SLX9: variants seen among roughly 807,000 people sequenced by gnomAD.
SLX9 encodes ribosome biogenesis protein SLX9 homolog.
In SLX9, 19 loss-of-function variants were observed where a neutral mutation model predicts 20.8. That is an observed-to-expected ratio of 0.91 (90% CI 0.64 to 1.34). SLX9 has a LOEUF of 1.34. Among genes scored for constraint, SLX9 ranks in the 40% most tolerant of loss-of-function variants. The pLI, the probability that SLX9 is intolerant of heterozygous loss-of-function variation, is 0.00. For synonymous variants in SLX9, 113 were observed against 137.1 expected (o/e 0.82, Z 1.23); for missense variants, 299 against 322.2 (o/e 0.93, Z 0.55).
chr21:44,956,567 G>A (rs79582913), intron 2 of SLX9, among the ~76,000 whole-genome samples: 4 of 152,208 alleles, frequency 2.6e-5, no homozygotes, highest in African/African-American at 4.8e-5. Context: ...AGCATCTCCC[G>A]GCACCCGAGC....
At chr21:44,952,734 C>T (rs2084781903) in intron 2 of SLX9, among the ~76,000 whole-genome samples, 2 of 152,190 alleles carry the variant, frequency 1.3e-5, no homozygotes, top group Admixed American at 1.3e-4. Context: ...CGGGCGCCCC[C>T]CTGCCTAGGA....
At chr21:44,943,444 G>A (rs1265957278) in intron 1 of SLX9, among the ~76,000 whole-genome samples, 6 of 152,194 alleles carry the variant, frequency 3.9e-5, no homozygotes, top group South Asian at 2.1e-4. Context: ...AGTGAAGCCC[G>A]TCTGGTGATT....
chr21:44,973,144 A>G (rs35113332), intron 4 of SLX9, 53 bp from the exon 5 acceptor site: 18,669 of 1,597,292 alleles, frequency 0.012, 151 homozygotes, highest in Non-Finnish European at 0.014. Context: ...GCCCACGGGA[A>G]GGTGTTTAGG....
chr21:44,969,382 G>A (rs2085101478), intron 4 of SLX9: 1 of 376,794 alleles, frequency 2.7e-6, no homozygotes, highest in Non-Finnish European at 5.6e-6. Flanking sequence ...AATGTGCTTG[G>A]CGCTCCCAGA....
At chr21:44,969,232 C>A (rs73906984) in intron 4 of SLX9, 2 of 469,268 alleles carry the variant, frequency 4.3e-6, no homozygotes, top group South Asian at 3.1e-5. Context: ...CATCCCGCGG[C>A]GGAGGCACCA....
At chr21:44,973,111 TAAGAAGGGAG>T in intron 4 of SLX9, 76 bp from the exon 5 acceptor site, 1 of 1,494,782 alleles carries the variant, frequency 6.7e-7, no homozygotes, top group Non-Finnish European at 9.3e-7. Context: ...ACGTCTGCTC[TAAGAAGGGAG>T]GAGCCAGCCT....
chr21:44,944,988 G>A (rs575256728), intron 2 of SLX9, among the ~76,000 whole-genome samples: 28 of 152,334 alleles, frequency 1.8e-4, no homozygotes, highest in African/African-American at 6.0e-4. Context: ...GGAGGCGCCC[G>A]CTCTGCATCT....
chr21:44,949,023 A>G (rs1568930905), intron 2 of SLX9, among the ~76,000 whole-genome samples: 1 of 152,172 alleles, frequency 6.6e-6, no homozygotes, highest in Non-Finnish European at 1.5e-5. Flanking sequence ...GCAGGGCCTG[A>G]GTGTGTGCAC....
In SLX9 at chr21:44,960,169, G is replaced by A. The variant is rs367795290; in HGVS notation, c.352+1G>A. 1.9e-5 allele frequency: 31 copies of A among 1,614,090 alleles called. No individual in the cohort carries two copies. The highest frequency in any genetic ancestry group is 2.5e-5 in the Non-Finnish European group (29 of 1,180,006). ...CTGAGGCGTGAGCAATGGTTGCAGAGTAAGTCCATGCCTGCGTCTTGAGGC... is the reference window on the plus strand; with the variant it reads ...CTGAGGCGTGAGCAATGGTTGCAGAATAAGTCCATGCCTGCGTCTTGAGGC... On this transcript the variant is annotated splice_donor_variant, in intron 3 of 5. Transcript: ENST00000291634. LOFTEE classifies it high-confidence loss of function.
At chr21:44,941,911 T>C (rs2084557803) in intron 1 of SLX9, among the ~76,000 whole-genome samples, 1 of 152,218 alleles carries the variant, frequency 6.6e-6, no homozygotes, top group Non-Finnish European at 1.5e-5. Context: ...GAGTCCCTTC[T>C]GGCAGAGCTA....
At chr21:44,947,751 G>GC (rs999495709) in intron 2 of SLX9, among the ~76,000 whole-genome samples, 5 of 152,156 alleles carry the variant, frequency 3.3e-5, no homozygotes, top group African/African-American at 1.2e-4. Flanking sequence ...GCAGCCTCCT[G>GC]CTACGGGAGG....
At chr21:44,939,890 G>A (rs2084505268), upstream of SLX9, 1 of 644,976 alleles carries the variant, frequency 1.6e-6, no homozygotes, top group Non-Finnish European at 2.5e-6. Flanking sequence ...GAAAGGCGGA[G>A]CGCCGCCACC....
At chr21:44,949,543 T>C (rs956566895) in intron 2 of SLX9, among the ~76,000 whole-genome samples, 3 of 152,230 alleles carry the variant, frequency 2.0e-5, no homozygotes, top group Non-Finnish European at 4.4e-5. Context: ...GAGCGCACCA[T>C]GGAGCCAGGC....
intron 3 of SLX9, among the ~76,000 whole-genome samples, chr21:44,962,813 T>C (rs1481430851): frequency 6.6e-6 from 1 of 152,166 alleles, no homozygotes; most frequent in Non-Finnish European, 1.5e-5. Flanking sequence ...GGCCCTCAGC[T>C]TTGCCAACAC....
chr21:44,962,235 ATGT>A (rs1401245457), intron 3 of SLX9, among the ~76,000 whole-genome samples: 11 of 152,110 alleles, frequency 7.2e-5, no homozygotes, highest in Admixed American at 6.6e-5. Context: ...TTGCTGACAA[ATGT>A]TGTAGACACC....
chr21:44,945,715 T>C (rs1446724961), intron 2 of SLX9, among the ~76,000 whole-genome samples: 2 of 152,150 alleles, frequency 1.3e-5, no homozygotes, highest in Non-Finnish European at 2.9e-5. Context: ...TGTTTTTTGT[T>C]TGTTTGTTTG....
chr21:44,973,002 T>A, intron 4 of SLX9, 195 bp from the exon 5 acceptor site: 1 of 684,652 alleles, frequency 1.5e-6, no homozygotes, highest in South Asian at 1.8e-5. Context: ...CACAGGACGG[T>A]CAGGCAGTTG....
chr21:44,970,844 C>T (rs1038616110), intron 4 of SLX9, among the ~76,000 whole-genome samples: 1 of 152,190 alleles, frequency 6.6e-6, no homozygotes, highest in Non-Finnish European at 1.5e-5. Flanking sequence ...AGCATTGGGT[C>T]CTTGCCCCAC....
At chr21:44,965,333 C>T (rs914041755) in intron 3 of SLX9, among the ~76,000 whole-genome samples, 46 of 152,214 alleles carry the variant, frequency 3.0e-4, no homozygotes, top group Middle Eastern at 6.8e-3. Flanking sequence ...GTTCCCAGGC[C>T]GTGGGTCCCG....
Sources: allele counts gnomAD v4.1 joint callset (sites outside exome capture counted in the v4.1 genomes callset), GRCh38; gene constraint gnomAD v4.1.1; transcripts MANE v1.5; gene names NCBI Gene and HGNC (gene_info 2026-07-23, HGNC 2026-07-21).